The following ZNF154 variants were observed in gnomAD, a reference collection of about 807,000 sequenced individuals.
ZNF154 encodes zinc finger protein 154.
In ZNF154, 6 loss-of-function variants were observed where a neutral mutation model predicts 7.5. The observed-to-expected ratio is 0.80, with a 90% confidence interval of 0.44 to 1.57. The LOEUF (loss-of-function observed/expected upper bound fraction) is 1.57, where lower values mean the gene tolerates loss of function less well. Ranked by LOEUF, ZNF154 falls within the 40% of genes most tolerant of loss-of-function variation. ZNF154 has a pLI of 0.01. For missense variants in ZNF154, 485 were observed against 531.4 expected (o/e 0.91, Z 0.86); for synonymous variants, 187 against 185.9 (o/e 1.01, Z -0.05).
chr19:57,701,472 A>G lies in ZNF154; in HGVS notation c.*163T>C, dbSNP rs1335762788. 2 of 734,932 alleles carry G rather than the reference A, an allele frequency of 2.7e-6. No individual in the cohort carries two copies. The highest frequency in any genetic ancestry group is 4.3e-6 in the Non-Finnish European group (2 of 460,022). 45.5% of individuals were successfully genotyped at this position (734,932 alleles called of 1,614,324 possible). A position where few individuals can be genotyped will look rare whatever the true frequency, so the allele number is the denominator to read the frequency against. On this transcript the variant is annotated 3_prime_UTR_variant, in exon 3 of 3. Coordinates refer to ENST00000684351, the MANE Select transcript of ZNF154 (RefSeq NM_001085384.3). The stretch of plus-strand genomic sequence containing the variant: ...AAGGGATCTCCTTCAGAGCTGTTAT[A>G]TCAACTGGACATCCCTACATATCAA...
At chr19:57,703,268 A>G (rs1288684114) in intron 2 of ZNF154, among the ~76,000 whole-genome samples, 2 of 151,990 alleles carry the variant, frequency 1.3e-5, no homozygotes, top group African/African-American at 4.8e-5. Flanking sequence ...TGGGTGGATC[A>G]CAAAGTCAGG....
In ZNF154 at chr19:57,697,553, CAG is replaced by C. The variant is rs569588614; in HGVS notation, c.*4080_*4081del. 4 of 152,186 alleles carry C rather than the reference CAG, an allele frequency of 2.6e-5. No homozygotes were observed. The South Asian group carries it at 6.2e-4, about 24-fold the overall frequency. 9.4% of individuals were successfully genotyped at this position (152,186 alleles called of 1,614,324 possible). ...ACATTGTTTTAGACAACTGAGAAAA[CAG>C]AAGCGATAAAATATTTACATTTTAA... On this transcript the variant is annotated 3_prime_UTR_variant, in exon 3 of 3. Coordinates refer to ENST00000684351, the MANE Select transcript of ZNF154 (RefSeq NM_001085384.3).
In ZNF154 at chr19:57,697,266, G is replaced by A. The variant is rs1984934479; in HGVS notation, c.*4369C>T. The A allele has an allele frequency of 6.6e-6, 1 of 152,156 alleles. No homozygotes were observed. Among genetic ancestry groups the A allele is most frequent in the Non-Finnish European group, 1.5e-5 (1 of 68,032 alleles). The allele number at this position is 152,156 out of a possible 1,614,324, so 9.4% of individuals were successfully genotyped here. A position where few individuals can be genotyped will look rare whatever the true frequency, so the allele number is the denominator to read the frequency against. On this transcript the variant is annotated 3_prime_UTR_variant, in exon 3 of 3. Coordinates refer to ENST00000684351, the MANE Select transcript of ZNF154 (RefSeq NM_001085384.3). ...AAGGTTTTGTATTTATTTCACTGTT[G>A]CCATCACACACCTGTCTGCTGGGAC...
intron 1 of ZNF154, 144 bp downstream of exon 1, chr19:57,708,795 G>T: frequency 6.5e-6 from 7 of 1,075,256 alleles, no homozygotes; most frequent in African/African-American, 1.6e-5. Flanking sequence ...CTCGTCACAC[G>T]CAGTGTCAAA....
Sources: allele counts gnomAD v4.1 joint callset (sites outside exome capture counted in the v4.1 genomes callset), GRCh38; gene constraint gnomAD v4.1.1; transcripts MANE v1.5; gene names NCBI Gene and HGNC (gene_info 2026-07-23, HGNC 2026-07-21).